EPAS1: variants seen among roughly 807,000 people sequenced by gnomAD.
EPAS1 encodes the protein endothelial PAS domain-containing protein 1.
Under a neutral mutation model 87.9 loss-of-function variants are expected in EPAS1, and 23 were observed. The observed-to-expected ratio is 0.26, with a 90% CI of 0.19 to 0.37. EPAS1 has a LOEUF of 0.37. Among genes scored for constraint, EPAS1 ranks in the 10% least tolerant of loss-of-function variants. The pLI, the probability that EPAS1 is intolerant of heterozygous loss-of-function variation, is 1.00. For missense variants in EPAS1, 1,138 were observed against 1,120.7 expected (o/e 1.02, Z -0.22); for synonymous variants, 508 against 444.3 (o/e 1.14, Z -1.80).
At chr2:46,328,233 A>C (rs1200196783) in intron 1 of EPAS1, among the ~76,000 whole-genome samples, 1 of 152,180 alleles carries the variant, frequency 6.6e-6, no homozygotes, top group Non-Finnish European at 1.5e-5. Flanking sequence ...CACCTCCTGG[A>C]AGGAGGGAGA....
At position 46,308,048 on chromosome 2, in the gene EPAS1, G is replaced by A. The variant is rs372907668; in HGVS notation, c.26+10111G>A. Among the ~76,000 whole-genome samples the A allele has an allele frequency of 1.4e-4, 21 of 152,146 alleles. No individual in the cohort carries two copies. In the South Asian group the frequency reaches 2.1e-3, roughly 15 times the overall value. On this transcript the variant is annotated intron_variant, in intron 1 of 15. Coordinates refer to ENST00000263734, the MANE Select transcript of EPAS1 (RefSeq NM_001430.5). ...CAAGGGACCCCACCTCACCTCTATCGCCCATTCACCATCATTCACTGTGCC... is the reference window on the plus strand; with the variant it reads ...CAAGGGACCCCACCTCACCTCTATCACCCATTCACCATCATTCACTGTGCC...
At chr2:46,301,737 T>C (rs1048346463) in intron 1 of EPAS1, among the ~76,000 whole-genome samples, 1 of 151,360 alleles carries the variant, frequency 6.6e-6, no homozygotes, top group African/African-American at 2.4e-5. Flanking sequence ...CTCAAACCGC[T>C]GAACCTTATA....
At chr2:46,298,487 C>T (rs1682931556) in intron 1 of EPAS1, among the ~76,000 whole-genome samples, 1 of 152,214 alleles carries the variant, frequency 6.6e-6, no homozygotes, top group African/African-American at 2.4e-5. Flanking sequence ...CAGAGCGCCC[C>T]GCTGCCGGGC....
chr2:46,297,948 G>C lies in EPAS1; in HGVS notation c.26+11G>C, dbSNP rs1378223218. 1 of 1,612,022 alleles carries C rather than the reference G, an allele frequency of 6.2e-7. No individual in the cohort carries two copies. Among genetic ancestry groups the C allele is most frequent in the South Asian group, 1.1e-5 (1 of 90,894 alleles). Reference sequence around the variant, plus strand: ...CAAGGAGAAGAAAAGGTAAGCGGGCGTCCGGGCCGATCAGGGGGCCGGTCC... The same window carrying C: ...CAAGGAGAAGAAAAGGTAAGCGGGCCTCCGGGCCGATCAGGGGGCCGGTCC... On this transcript the variant is annotated intron_variant, in intron 1 of 15. Coordinates refer to ENST00000263734, the MANE Select transcript of EPAS1 (RefSeq NM_001430.5).
At chr2:46,354,372 T>A (rs753773511) in intron 2 of EPAS1, among the ~76,000 whole-genome samples, 1 of 152,156 alleles carries the variant, frequency 6.6e-6, no homozygotes, top group Non-Finnish European at 1.5e-5. Context: ...TTTTGATTGA[T>A]GTTTGCACTG....
rs1475943374 is a variant in EPAS1, at chr2:46,346,770, G to C, written c.27-103G>C. 1 of 1,183,598 alleles carries C rather than the reference G, an allele frequency of 8.4e-7. No individual in the cohort carries two copies. The highest frequency in any genetic ancestry group is 1.2e-6 in the Non-Finnish European group (1 of 812,370). The allele number at this position is 1,183,598 out of a possible 1,614,324, so 73.3% of individuals were successfully genotyped here. On this transcript the variant is annotated intron_variant, in intron 1 of 15. Transcript: ENST00000263734. This position sits in a 1 kb window ranked among gnomAD's most constrained non-coding sequence, Gnocchi z 4.0. ...GTGAGCCCAGATCAGTCTAGTAAGG[G>C]AGTGTGGCTGCACTGGGGGTTGGGG...
intron 8 of EPAS1, among the ~76,000 whole-genome samples, chr2:46,376,172 A>G (rs63184364): frequency 4.6e-5 from 3 of 65,526 alleles, no homozygotes; most frequent in Non-Finnish European, 5.6e-5. Flanking sequence ...TGCTTTTGGG[A>G]AAAAAAAAAG....
intron 1 of EPAS1, among the ~76,000 whole-genome samples, chr2:46,329,561 C>A (rs1390144083): frequency 6.6e-6 from 1 of 152,084 alleles, no homozygotes; most frequent in South Asian, 2.1e-4. Flanking sequence ...TGGTGGCTCG[C>A]GCCTGTAATC....
intron 1 of EPAS1, among the ~76,000 whole-genome samples, chr2:46,307,672 G>C (rs1325007033): frequency 6.6e-6 from 1 of 152,128 alleles, no homozygotes; most frequent in Non-Finnish European, 1.5e-5. Flanking sequence ...GTGGTCCCCT[G>C]ACTCTCTGGA....
chr2:46,325,950 T>A (rs1256190307), intron 1 of EPAS1, among the ~76,000 whole-genome samples: 1 of 152,184 alleles, frequency 6.6e-6, no homozygotes, highest in Non-Finnish European at 1.5e-5. Context: ...AGTGATCACT[T>A]CCTGCAAAGA....
At chr2:46,372,839 C>G (rs1389093269) in intron 7 of EPAS1, among the ~76,000 whole-genome samples, 1 of 152,244 alleles carries the variant, frequency 6.6e-6, no homozygotes, top group Non-Finnish European at 1.5e-5. Context: ...TAAGGACCAT[C>G]TAAATAAGTT....
intron 1 of EPAS1, among the ~76,000 whole-genome samples, chr2:46,318,385 A>G (rs1683386545): frequency 6.6e-6 from 1 of 152,236 alleles, no homozygotes; most frequent in Non-Finnish European, 1.5e-5. Context: ...ATATTGCAAG[A>G]ATGACCAAAA....
chr2:46,377,567 A>G (rs77223712), intron 9 of EPAS1, among the ~76,000 whole-genome samples: 9,452 of 152,282 alleles, frequency 0.062, 647 homozygotes, highest in African/African-American at 0.17. Context: ...AAATAGCTCA[A>G]TAGCCCAATT....
rs1343901199 is a variant in EPAS1, at chr2:46,380,210, G to A, written c.1555-17G>A. On this transcript the variant is annotated splice_polypyrimidine_tract_variant and intron_variant, in intron 11 of 15. Coordinates refer to ENST00000263734, the MANE Select transcript of EPAS1 (RefSeq NM_001430.5). The surrounding 1 kb of genome is among the most constrained non-coding windows in gnomAD (Gnocchi z 4.4). ...TACCAACCCCCTTGCCTCTTTGCCGGTGCTGTCTCCCCTCAGACGGATTTC... is the reference window on the plus strand; with the variant it reads ...TACCAACCCCCTTGCCTCTTTGCCGATGCTGTCTCCCCTCAGACGGATTTC... The A allele has an allele frequency of 1.9e-6, 3 of 1,606,918 alleles. No individual in the cohort carries two copies. Among genetic ancestry groups the A allele is most frequent in the East Asian group, 4.5e-5 (2 of 44,874 alleles).
chr2:46,381,688 A>C lies in EPAS1; in HGVS notation c.2138A>C (p.Glu713Ala). 2.5e-6 allele frequency: 4 copies of C among 1,614,006 alleles called. No homozygotes were observed. The East Asian group carries it at 8.9e-5, about 36-fold the overall frequency. The change falls in exon 13 of 16, where the codon GAG (glutamate) becomes GCG (alanine). Residue 713 changes from glutamate (E) to alanine (A), a missense_variant. Physicochemically the swap from Glu to Ala is moderately radical, Grantham distance 107. This residue lies in a region of EPAS1 where 502 missense variants were observed against 427.1 expected (regional missense o/e 1.18). Transcript: ENST00000263734. ...SNKLKLKRQL[E>A]YEEQAFQDLS... Reference sequence around the variant, plus strand: ...AAGCTGAAGCTGAAGCGACAGCTGGAGTATGAAGAGCAAGCCTTCCAGGAC... The same window carrying C: ...AAGCTGAAGCTGAAGCGACAGCTGGCGTATGAAGAGCAAGCCTTCCAGGAC...
In EPAS1 at chr2:46,346,562, C is replaced by T. The variant is rs1248983111; in HGVS notation, c.27-311C>T. 6.6e-6 allele frequency among the ~76,000 whole-genome samples: 1 copy of T among 152,208 alleles called. No homozygotes were observed. Among genetic ancestry groups the T allele is most frequent in the Non-Finnish European group, 1.5e-5 (1 of 68,048 alleles). On this transcript the variant is annotated intron_variant, in intron 1 of 15. Transcript: ENST00000263734. The surrounding 1 kb of genome is among the most constrained non-coding windows in gnomAD (Gnocchi z 4.0). ...ACCCCTATCCCCAGATATTCCAGGG[C>T]TAGGTCCCAGGCATTGGTAGTTAAT...
intron 9 of EPAS1, 125 bp downstream of exon 9, chr2:46,376,878 T>A (rs576984463): frequency 1.4e-5 from 14 of 981,786 alleles, no homozygotes; most frequent in Admixed American, 6.2e-5. Context: ...CCCCAAGTCT[T>A]GTTAATCACC....
At chr2:46,354,399 C>T (rs1394556388) in intron 2 of EPAS1, among the ~76,000 whole-genome samples, 2 of 151,916 alleles carry the variant, frequency 1.3e-5, no homozygotes, top group South Asian at 2.1e-4. Context: ...TACAAATTTT[C>T]ATAAGTAAAT....
At chr2:46,304,625 T>C (rs1683072495) in intron 1 of EPAS1, among the ~76,000 whole-genome samples, 1 of 152,200 alleles carries the variant, frequency 6.6e-6, no homozygotes. Context: ...TCATGGGTTT[T>C]CCTAGACCCT....
Sources: gnomAD v4.1 joint callset for allele counts (sites outside exome capture counted in the v4.1 genomes callset) on GRCh38, gnomAD v4.1.1 for gene constraint, gnomAD v4.1.1 regional missense constraint, Gnocchi (gnomAD v3.1) non-coding constraint, MANE v1.5 for transcripts, NCBI Gene and HGNC (gene_info 2026-07-23, HGNC 2026-07-21) for gene names.